The following TEKT3 variants were observed in gnomAD, a reference collection of about 807,000 sequenced individuals.
The protein encoded by TEKT3 is tektin-3.
TEKT3 carries 49 observed loss-of-function variants against 49.8 expected under a neutral mutation model. The ratio of observed to expected loss-of-function variants is 0.98; its 90% CI spans 0.78 to 1.25. TEKT3 has a LOEUF of 1.25. TEKT3 is among the 50% of genes most tolerant of loss of function. The probability of loss-of-function intolerance (pLI) is 0.00; values close to 1 mark genes in which losing one functional copy is unlikely to be tolerated. For missense variants in TEKT3, 595 were observed against 629.5 expected (o/e 0.95, Z 0.59); for synonymous variants, 225 against 237.2 (o/e 0.95, Z 0.47).
rs970622486 is a variant in TEKT3 at position 15,312,499 on chromosome 17, A to T, written c.879-18T>A. 7 of 1,610,618 alleles carry T rather than the reference A, an allele frequency of 4.3e-6. No homozygotes were observed. The highest frequency in any genetic ancestry group is 4.0e-5 in the African/African-American group (3 of 74,828). The stretch of plus-strand genomic sequence containing the variant: ...CTGAGACACTGAAAAAGAGAAGCAG[A>T]AGCAGACAACAGTGAGAGTGATGAA... On this transcript the variant is annotated intron_variant, in intron 6 of 8. Transcript: ENST00000395930.
At chr17:15,342,393 G>A (rs1389882372), upstream of TEKT3, among the ~76,000 whole-genome samples, 1 of 152,190 alleles carries the variant, frequency 6.6e-6, no homozygotes, top group African/African-American at 2.4e-5. Flanking sequence ...AGAATTCACC[G>A]AGTTACTTTG....
At chr17:15,323,945 T>C (rs1226188177) in intron 4 of TEKT3, among the ~76,000 whole-genome samples, 1 of 152,222 alleles carries the variant, frequency 6.6e-6, no homozygotes, top group African/African-American at 2.4e-5. Flanking sequence ...ATATAATTCA[T>C]AGACCATATA....
In TEKT3 at chr17:15,331,221, A is replaced by T. The variant is rs747420342; in HGVS notation, c.365T>A (p.Val122Glu). The change falls in exon 3 of 9, where the codon GTG (valine) becomes GAG (glutamate). Residue 122 changes from valine to glutamate, a missense_variant. Physicochemically the swap from Val to Glu is moderately radical, Grantham distance 121 (BLOSUM62 -2). Coordinates refer to ENST00000395930, the MANE Select transcript of TEKT3 (RefSeq NM_031898.3). ...TSRHNSEKLR[V>E]DTSRLIQDKY... Reference sequence around the variant, plus strand: ...GTCTTGAATCAGGCGAGATGTATCCACTCTTAGTTTCTCCGAATTATGTCG... The same window carrying T: ...GTCTTGAATCAGGCGAGATGTATCCTCTCTTAGTTTCTCCGAATTATGTCG... The T allele has an allele frequency of 1.2e-6, 2 of 1,613,658 alleles. No homozygotes were observed. The highest frequency in any genetic ancestry group is 1.7e-6 in the Non-Finnish European group (2 of 1,179,978).
chr17:15,308,782 C>T lies in TEKT3; in HGVS notation c.1138G>A (p.Glu380Lys), dbSNP rs144109538. The T allele has an allele frequency of 2.3e-4, 369 of 1,614,068 alleles. 1 individual carries two copies. The highest frequency in any genetic ancestry group is 5.0e-4 in the Middle Eastern group (3 of 6,034). The change falls in exon 8 of 9, where the codon GAA becomes AAA. Residue 380 changes from glutamate to lysine, a missense_variant. Transcript: ENST00000395930. ...TCCTTGATGGCCTTCTTGATGGATTCTATGGTCATTTCAGTCTGGAAAATC... is the reference window on the plus strand; with the variant it reads ...TCCTTGATGGCCTTCTTGATGGATTTTATGGTCATTTCAGTCTGGAAAATC... The part of the protein sequence containing the change: ...QEIFQTEMTI[E>K]SIKKAIKDKT...
At chr17:15,317,578 G>A (rs137918431) in intron 5 of TEKT3, among the ~76,000 whole-genome samples, 4 of 152,286 alleles carry the variant, frequency 2.6e-5, no homozygotes, top group African/African-American at 9.6e-5. Flanking sequence ...AGATCCTGAC[G>A]CACAGGATGG....
Position 15,314,179 on chromosome 17 carries a change from CTGTT to C in TEKT3, c.782_785del (p.Lys261ArgfsTer60). 3 of 1,614,244 alleles carry C rather than the reference CTGTT, an allele frequency of 1.9e-6. No homozygotes were observed. Among genetic ancestry groups the C allele is most frequent in the Non-Finnish European group, 2.5e-6 (3 of 1,180,046 alleles). ...ATTTGTCGTCGATCCGGTAAGCCGT[CTGTT>C]TGTCACTCAGGTCCTTTTCCAGCTC... On this transcript the variant is annotated frameshift_variant, in exon 6 of 9. Coordinates refer to ENST00000395930, the MANE Select transcript of TEKT3 (RefSeq NM_031898.3). LOFTEE classifies it high-confidence loss of function.
At chr17:15,329,312 C>T (rs1597416347) in intron 3 of TEKT3, among the ~76,000 whole-genome samples, 1 of 152,178 alleles carries the variant, frequency 6.6e-6, no homozygotes. Context: ...CCCTCTAATA[C>T]TGTGTTGACA....
intron 5 of TEKT3, among the ~76,000 whole-genome samples, chr17:15,316,692 C>G (rs1911028005): frequency 6.6e-6 from 1 of 152,192 alleles, no homozygotes; most frequent in African/African-American, 2.4e-5. Context: ...AATGTCTTTG[C>G]TGCTTGCTAA....
intron 2 of TEKT3, among the ~76,000 whole-genome samples, chr17:15,336,591 T>G (rs928398549): frequency 5.3e-5 from 8 of 152,122 alleles, no homozygotes; most frequent in African/African-American, 1.9e-4. Flanking sequence ...ACTTTCAAAT[T>G]TCTTTAAAAG....
At chr17:15,338,777 A>T (rs1037025336) in intron 2 of TEKT3, among the ~76,000 whole-genome samples, 1 of 150,600 alleles carries the variant, frequency 6.6e-6, no homozygotes, top group Admixed American at 6.6e-5. Context: ...CGGCCTCCCA[A>T]AGTGTTGGGA....
At chr17:15,328,296 T>G (rs992417510) in intron 3 of TEKT3, among the ~76,000 whole-genome samples, 6 of 152,226 alleles carry the variant, frequency 3.9e-5, no homozygotes, top group African/African-American at 1.2e-4. Context: ...TTGAAAATAT[T>G]CCTATCTTGG....
intron 5 of TEKT3, among the ~76,000 whole-genome samples, chr17:15,317,659 G>C (rs374963758): frequency 6.6e-6 from 1 of 152,222 alleles, no homozygotes; most frequent in Non-Finnish European, 1.5e-5. Flanking sequence ...TGGCATATTC[G>C]ACACTACTTC....
At chr17:15,323,063 C>G (rs1455719723) in intron 4 of TEKT3, among the ~76,000 whole-genome samples, 2 of 152,134 alleles carry the variant, frequency 1.3e-5, no homozygotes, top group African/African-American at 4.8e-5. Flanking sequence ...GAGTATAGTT[C>G]TTATTGCTGG....
chr17:15,312,391 G>A lies in TEKT3; in HGVS notation c.969C>T (p.Asp323=), dbSNP rs143163004. The part of the protein sequence containing the change: ...SERAASAKLR[D]DIENLLVVTA... Reference sequence around the variant, plus strand: ...TCACAACCAAGAGGTTTTCAATGTCGTCTCTTAGCTTAGCGGAAGCTGCCC... The same window carrying A: ...TCACAACCAAGAGGTTTTCAATGTCATCTCTTAGCTTAGCGGAAGCTGCCC... Residue 323 remains aspartate (D), a synonymous_variant, in exon 7 of 9, where the codon GAC becomes GAT. Transcript: ENST00000395930. 1,492 of 1,614,132 alleles carry A rather than the reference G, an allele frequency of 9.2e-4. 12 individuals are homozygous for A. In the African/African-American group the frequency reaches 0.018, roughly 19 times the overall value.
At chr17:15,317,376 G>T (rs141214757) in intron 5 of TEKT3, among the ~76,000 whole-genome samples, 1 of 152,140 alleles carries the variant, frequency 6.6e-6, no homozygotes, top group African/African-American at 2.4e-5. Flanking sequence ...AATAAAATGC[G>T]AATTAGGAAC....
At chr17:15,321,818 T>C (rs1223659848) in intron 4 of TEKT3, among the ~76,000 whole-genome samples, 1 of 152,196 alleles carries the variant, frequency 6.6e-6, no homozygotes, top group Non-Finnish European at 1.5e-5. Context: ...AAACATGGAA[T>C]CATGTCCAGT....
rs751717985 is a variant in TEKT3 at position 15,303,927 on chromosome 17, G to C, written c.*9C>G. ...CTTAGGGGTATCAAAACCACACCCG[G>C]TGGGGTCCCTAGCAGAAGCCGACCA... On this transcript the variant is annotated 3_prime_UTR_variant, in exon 9 of 9. Transcript: ENST00000395930. 2 of 1,613,550 alleles carry C rather than the reference G, an allele frequency of 1.2e-6. No individual in the cohort carries two copies. The highest frequency in any genetic ancestry group is 3.3e-5 in the Admixed American group (2 of 60,012).
chr17:15,312,387 T>A lies in TEKT3; in HGVS notation c.973A>T (p.Ile325Phe). ...GCAGTCACAACCAAGAGGTTTTCAA[T>A]GTCGTCTCTTAGCTTAGCGGAAGCT... ...RAASAKLRDD[I>F]ENLLVVTANE... The change falls in exon 7 of 9, where the codon ATT becomes TTT. Residue 325 changes from isoleucine to phenylalanine, a missense_variant. Physicochemically the swap from Ile to Phe is conservative, Grantham distance 21. Coordinates refer to ENST00000395930, the MANE Select transcript of TEKT3 (RefSeq NM_031898.3). 1 of 1,614,222 alleles carries A rather than the reference T, an allele frequency of 6.2e-7. No homozygotes were observed. Among genetic ancestry groups the A allele is most frequent in the Non-Finnish European group, 8.5e-7 (1 of 1,180,044 alleles).
At chr17:15,309,963 C>T (rs1458035296) in intron 7 of TEKT3, among the ~76,000 whole-genome samples, 1 of 152,142 alleles carries the variant, frequency 6.6e-6, no homozygotes, top group African/African-American at 2.4e-5. Flanking sequence ...CTGCAATATC[C>T]TTTCTACACT....
Sources: gnomAD v4.1 joint callset for allele counts (sites outside exome capture counted in the v4.1 genomes callset) on GRCh38, gnomAD v4.1.1 for gene constraint, MANE v1.5 for transcripts, NCBI Gene and HGNC (gene_info 2026-07-23, HGNC 2026-07-21) for gene names.